MARCHF1: variants seen among roughly 807,000 people sequenced by gnomAD.
MARCHF1 encodes the protein membrane associated ring-CH-type finger 1.
MARCHF1 carries 40 observed loss-of-function variants against 54.2 expected under a neutral mutation model. The observed-to-expected ratio is 0.74, with a 90% CI of 0.57 to 0.96. The LOEUF is 0.96. Among genes scored for constraint, MARCHF1 ranks in the 40% least tolerant of loss-of-function variants. The probability of loss-of-function intolerance (pLI) is 0.00; values close to 1 mark genes in which losing one functional copy is unlikely to be tolerated. For synonymous variants in MARCHF1, 236 were observed against 236.3 expected, an observed-to-expected ratio of 1.00 and a Z score of 0.01; for missense variants, 586 against 656.5, an observed-to-expected ratio of 0.89 and a Z score of 1.17.
intron 1 of MARCHF1, chr4:164,135,354 T>C (rs1201609691): frequency 6.6e-6 from 1 of 152,192 alleles, no homozygotes; most frequent in African/African-American, 2.4e-5. Flanking sequence ...AGTCCATTCT[T>C]ATGCTGATAC....
intron 1 of MARCHF1, among the ~76,000 whole-genome samples, chr4:164,353,927 G>T (rs1730431667): frequency 9.1e-6 from 1 of 110,234 alleles, no homozygotes; most frequent in Non-Finnish European, 1.9e-5. Context: ...ATGATAAAGG[G>T]GATATCACCA....
intron 5 of MARCHF1, among the ~76,000 whole-genome samples, chr4:163,698,684 T>C (rs772765649): frequency 6.6e-6 from 1 of 152,174 alleles, no homozygotes; most frequent in African/African-American, 2.4e-5. Context: ...AAGCATTAAA[T>C]ACTAAAACAT....
intron 3 of MARCHF1, among the ~76,000 whole-genome samples, chr4:163,912,621 A>T (rs1021693772): frequency 1.3e-5 from 2 of 152,138 alleles, no homozygotes; most frequent in Admixed American, 1.3e-4. Context: ...CCTAGTTTCT[A>T]CTCAATTATA....
intron 3 of MARCHF1, among the ~76,000 whole-genome samples, chr4:163,882,891 C>G (rs952293287): frequency 1.4e-4 from 21 of 152,214 alleles, no homozygotes; most frequent in African/African-American, 4.8e-4. Flanking sequence ...GTAGGAGGAT[C>G]ACCTGAGCCC....
rs1738193874 is a variant in MARCHF1 at position 163,528,028 on chromosome 4, AAATAT to A, written c.*715_*719del. 6.6e-6 allele frequency: 1 copy of A among 152,560 alleles called. No individual in the cohort carries two copies. Among genetic ancestry groups the A allele is most frequent in the Admixed American group, 6.6e-5 (1 of 15,254 alleles). 9.5% of individuals were successfully genotyped at this position (152,560 alleles called of 1,614,324 possible). ...TGTATTAGAGGAACCAGATGAAAAT[AAATAT>A]AAGACCTGATAACAGTTCTGTGGGT... On this transcript the variant is annotated 3_prime_UTR_variant, in exon 10 of 10. Coordinates refer to ENST00000514618, the MANE Select transcript of MARCHF1 (RefSeq NM_001394959.1).
At chr4:163,672,624 GTTTA>G (rs1034328503) in intron 5 of MARCHF1, among the ~76,000 whole-genome samples, 1 of 151,988 alleles carries the variant, frequency 6.6e-6, no homozygotes, top group East Asian at 1.9e-4. Context: ...AACTTTTATA[GTTTA>G]TTTGTTTTTA....
At chr4:164,350,042 T>C (rs1399430637) in intron 1 of MARCHF1, among the ~76,000 whole-genome samples, 2 of 152,194 alleles carry the variant, frequency 1.3e-5, no homozygotes, top group African/African-American at 2.4e-5. Flanking sequence ...AGTTCTGAGA[T>C]TAAATTGCAA....
intron 1 of MARCHF1, among the ~76,000 whole-genome samples, chr4:164,235,899 A>C (rs192763500): frequency 6.6e-6 from 1 of 152,302 alleles, no homozygotes; most frequent in East Asian, 1.9e-4. Context: ...GAAATAAAAA[A>C]TAATAAAAAC....
At chr4:164,070,794 T>C (rs959709206) in intron 2 of MARCHF1, among the ~76,000 whole-genome samples, 2 of 152,230 alleles carry the variant, frequency 1.3e-5, no homozygotes, top group Non-Finnish European at 1.5e-5. Flanking sequence ...TCTTAAAATA[T>C]TCAAATATGT....
rs1338043979 is a variant in MARCHF1, at chr4:163,574,455, G to A, written c.1191+11294C>T. 6.0e-5 allele frequency among the ~76,000 whole-genome samples: 9 copies of A among 150,414 alleles called. 1 individual carries two copies. The Admixed American group carries it at 6.0e-4, about 10-fold the overall frequency. On this transcript the variant is annotated intron_variant, in intron 8 of 9. Coordinates refer to ENST00000514618, the MANE Select transcript of MARCHF1 (RefSeq NM_001394959.1). ...GGGTTTTTATGGTTTTAGGTCTAACGTTTAAGTCTTTAATCCATCTTGAAT... is the reference window on the plus strand; with the variant it reads ...GGGTTTTTATGGTTTTAGGTCTAACATTTAAGTCTTTAATCCATCTTGAAT...
chr4:163,649,028 A>G (rs1742867682), intron 5 of MARCHF1, among the ~76,000 whole-genome samples: 1 of 152,004 alleles, frequency 6.6e-6, no homozygotes, highest in African/African-American at 2.4e-5. Context: ...AAAGCAAACT[A>G]CTATTTAATT....
At chr4:163,886,326 TAGATAG>T (rs1750534116) in intron 3 of MARCHF1, among the ~76,000 whole-genome samples, 1 of 150,860 alleles carries the variant, frequency 6.6e-6, no homozygotes, top group African/African-American at 2.4e-5. Context: ...GATAGATAGA[TAGATAG>T]ATAGATAGAT....
chr4:163,628,011 T>G (rs980060986), intron 5 of MARCHF1, among the ~76,000 whole-genome samples: 4 of 152,092 alleles, frequency 2.6e-5, no homozygotes, highest in Non-Finnish European at 4.4e-5. Flanking sequence ...ATCTTTGTGA[T>G]CTTGGAGTAG....
At chr4:164,119,417 A>C (rs1170370737) in intron 1 of MARCHF1, among the ~76,000 whole-genome samples, 1 of 151,526 alleles carries the variant, frequency 6.6e-6, no homozygotes, top group Admixed American at 6.6e-5. Flanking sequence ...TAATAAATAC[A>C]AAGGTCAATA....
intron 1 of MARCHF1, among the ~76,000 whole-genome samples, chr4:164,295,402 T>C (rs1734384314): frequency 6.6e-6 from 1 of 151,568 alleles, no homozygotes. Flanking sequence ...TGATACATTT[T>C]GGGGTGATGT....
chr4:164,289,667 A>C (rs112672622), intron 1 of MARCHF1, among the ~76,000 whole-genome samples: 3,552 of 151,262 alleles, frequency 0.023, 94 homozygotes, highest in East Asian at 0.13. Context: ...TGCTCCAGCA[A>C]CCTTCCCTCA....
Position 163,606,952 on chromosome 4 carries a change from G to T in MARCHF1, c.1010+5319C>A, listed in dbSNP as rs13143176. ...GATTTCATGTATAAGTGCTTGAAAA[G>T]AACATTTCTCTTTTCTGTTAGGCTG... On this transcript the variant is annotated intron_variant, in intron 7 of 9. Transcript: ENST00000514618. Among the ~76,000 whole-genome samples the T allele has an allele frequency of 5.3e-3, 806 of 152,114 alleles. 8 individuals carry two copies. The highest frequency in any genetic ancestry group is 8.5e-3 in the Non-Finnish European group (575 of 67,976).
chr4:163,624,056 G>C (rs1741782608), intron 5 of MARCHF1, among the ~76,000 whole-genome samples: 1 of 152,162 alleles, frequency 6.6e-6, no homozygotes, highest in African/African-American at 2.4e-5. Flanking sequence ...GGTTGGATGA[G>C]GTGCAAGTGG....
chr4:164,038,463 C>T (rs1002899042), intron 2 of MARCHF1, among the ~76,000 whole-genome samples: 4 of 151,906 alleles, frequency 2.6e-5, no homozygotes, highest in African/African-American at 7.3e-5. Flanking sequence ...ACTGCACTCC[C>T]GCCTGGGCGA....
Sources: gnomAD v4.1 joint callset for allele counts (sites outside exome capture counted in the v4.1 genomes callset) on GRCh38, gnomAD v4.1.1 for gene constraint, MANE v1.5 for transcripts, NCBI Gene and HGNC (gene_info 2026-07-23, HGNC 2026-07-21) for gene names.